Variants in CSF2RA observed in about 807,000 individuals in gnomAD.
CSF2RA encodes colony stimulating factor 2 receptor subunit alpha.
In CSF2RA, 42 loss-of-function variants were observed where a neutral mutation model predicts 51.6. That is an observed-to-expected ratio of 0.81 (90% CI 0.64 to 1.05). CSF2RA has a LOEUF of 1.05. Ranked by LOEUF, CSF2RA falls within the 50% of genes least tolerant of loss-of-function variation. CSF2RA has a pLI of 0.00. For missense variants in CSF2RA, 530 were observed against 501.1 expected, an observed-to-expected ratio of 1.06 and a Z score of -0.55; for synonymous variants, 222 against 193.0, an observed-to-expected ratio of 1.15 and a Z score of -1.24.
the CSF2RA span, among the ~76,000 whole-genome samples, chrX:1,316,044 A>ATAGATAGAT: frequency 1.4e-5 from 2 of 147,354 alleles, no homozygotes; most frequent in Non-Finnish European, 3.0e-5. Context: ...AGACCAATAG[A>ATAGATAGAT]CAGATAGATA....
At chrX:1,286,478 A>C (rs1413411541) in intron 4 of CSF2RA, among the ~76,000 whole-genome samples, 6 of 40,068 alleles carry the variant, frequency 1.5e-4, no homozygotes, top group African/African-American at 4.5e-4. Flanking sequence ...CTGAGGCAGG[A>C]GAATTACTGA....
At chrX:1,315,351 T>G (rs1360161353), downstream of CSF2RA, among the ~76,000 whole-genome samples, 14 of 152,120 alleles carry the variant, frequency 9.2e-5, no homozygotes, top group African/African-American at 3.4e-4. Flanking sequence ...AATAGCTAGA[T>G]ACATGATTGA....
At chrX:1,308,257 G>A (rs181753123) in intron 12 of CSF2RA, among the ~76,000 whole-genome samples, 4 of 152,210 alleles carry the variant, frequency 2.6e-5, no homozygotes, top group East Asian at 3.9e-4. Flanking sequence ...CATTGGTGCC[G>A]GGTATCAGAG....
chrX:1,314,528 C>T (rs865918261), downstream of CSF2RA, among the ~76,000 whole-genome samples: 2 of 86,376 alleles, frequency 2.3e-5, no homozygotes, highest in African/African-American at 5.7e-5. Context: ...CTGCCCAATC[C>T]CACTGCACCT....
At chrX:1,320,425 G>A in the CSF2RA span, among the ~76,000 whole-genome samples, 1 of 151,922 alleles carries the variant, frequency 6.6e-6, no homozygotes. Context: ...GAAAAGGGAA[G>A]CTCCAAGAAG....
At chrX:1,302,658 T>C (rs1308799650) in intron 10 of CSF2RA, among the ~76,000 whole-genome samples, 1 of 150,062 alleles carries the variant, frequency 6.7e-6, no homozygotes, top group Non-Finnish European at 1.5e-5. Context: ...TAGACATGCA[T>C]CACGCTTGGC....
downstream of CSF2RA, among the ~76,000 whole-genome samples, chrX:1,311,707 C>T (rs1231045292): frequency 6.6e-6 from 1 of 152,186 alleles, no homozygotes; most frequent in Non-Finnish European, 1.5e-5. Flanking sequence ...TCTCCACGTG[C>T]TGGGATGACA....
At chrX:1,277,417 G>A (rs1429275697) in intron 2 of CSF2RA, among the ~76,000 whole-genome samples, 1 of 150,434 alleles carries the variant, frequency 6.6e-6, no homozygotes, top group East Asian at 2.0e-4. Flanking sequence ...CCAACATGGT[G>A]AAACCCCATC....
chrX:1,286,668 A>T (rs1439121225), intron 4 of CSF2RA, among the ~76,000 whole-genome samples: 1 of 152,198 alleles, frequency 6.6e-6, no homozygotes, highest in African/African-American at 2.4e-5. Flanking sequence ...TCACAGCCAT[A>T]ATCTCACGGG....
intron 12 of CSF2RA, chrX:1,305,800 G>A: frequency 6.5e-7 from 1 of 1,549,616 alleles, no homozygotes; most frequent in Non-Finnish European, 8.7e-7. Flanking sequence ...GGTAGAGAGG[G>A]CCAGGCACGG....
chrX:1,279,906 C>T (rs1282245738), intron 2 of CSF2RA, among the ~76,000 whole-genome samples: 1 of 151,894 alleles, frequency 6.6e-6, no homozygotes, highest in African/African-American at 2.4e-5. Context: ...TCTCCTGCCT[C>T]AACCTCCCGA....
At chrX:1,290,227 T>C (rs779133153) in intron 6 of CSF2RA, 110 bp from the exon 7 acceptor site, 1 of 892,940 alleles carries the variant, frequency 1.1e-6, no homozygotes, top group African/African-American at 1.7e-5. Context: ...TTTGTGTTTT[T>C]GTGTTTTGTG....
At chrX:1,314,439 C>A (rs1212462928), downstream of CSF2RA, among the ~76,000 whole-genome samples, 40 of 147,258 alleles carry the variant, frequency 2.7e-4, 1 homozygote, top group African/African-American at 9.3e-4. Context: ...AACCGCACTG[C>A]ACTTGCCCAA....
intron 1 of CSF2RA, among the ~76,000 whole-genome samples, chrX:1,270,155 C>A (rs1296118913): frequency 2.0e-5 from 3 of 151,990 alleles, no homozygotes; most frequent in African/African-American, 7.2e-5. Flanking sequence ...AGAGATGCTC[C>A]ACTACAAGGG....
chrX:1,279,469 T>G (rs1230963859), intron 2 of CSF2RA, among the ~76,000 whole-genome samples: 65 of 152,180 alleles, frequency 4.3e-4, no homozygotes, highest in African/African-American at 1.5e-3. Context: ...CTTCTACACC[T>G]GTTACCACCA....
At chrX:1,278,742 CTAGG>C (rs777195962) in intron 2 of CSF2RA, among the ~76,000 whole-genome samples, 13 of 148,288 alleles carry the variant, frequency 8.8e-5, no homozygotes, top group Non-Finnish European at 1.2e-4. Context: ...TAGTGAAAGA[CTAGG>C]TAATCCAGAG....
At position 1,305,374 on chromosome X, in the gene CSF2RA, C is replaced by T. The variant is rs575698809; in HGVS notation, c.1044-72C>T. The T allele has an allele frequency of 3.4e-5, 52 of 1,542,952 alleles. No individual in the cohort carries two copies. In the African/African-American group the frequency reaches 6.5e-4, roughly 19 times the overall value. On this transcript the variant is annotated intron_variant, in intron 11 of 12. Transcript: ENST00000381529. ...ACACCCCGCACGCAGCATCCCTCGGCACAGGGCGTTGATGGAAGGAACTCT... is the reference window on the plus strand; with the variant it reads ...ACACCCCGCACGCAGCATCCCTCGGTACAGGGCGTTGATGGAAGGAACTCT...
At chrX:1,323,350 G>T in the CSF2RA span, among the ~76,000 whole-genome samples, 1 of 150,860 alleles carries the variant, frequency 6.6e-6, no homozygotes, top group African/African-American at 2.4e-5. Context: ...CCCGTCTCAG[G>T]GTGAGCCACC....
chrX:1,278,297 C>T (rs2148127035), intron 2 of CSF2RA, among the ~76,000 whole-genome samples: 1 of 149,594 alleles, frequency 6.7e-6, no homozygotes, highest in Non-Finnish European at 1.5e-5. Flanking sequence ...GGCACCACTG[C>T]ACTCCAGCCT....
Sources: allele counts gnomAD v4.1 joint callset (sites outside exome capture counted in the v4.1 genomes callset), GRCh38; gene constraint gnomAD v4.1.1; transcripts MANE v1.5; gene names NCBI Gene and HGNC (gene_info 2026-07-23, HGNC 2026-07-21).